The following FBXO11 variants were observed in gnomAD, a reference collection of about 807,000 sequenced individuals.
The protein encoded by FBXO11 is F-box protein 11, also known as F-box only protein 11.
FBXO11 carries 13 observed loss-of-function variants against 117.0 expected under a neutral mutation model. The ratio of observed to expected loss-of-function variants is 0.11; its 90% confidence interval spans 0.07 to 0.18. The LOEUF (loss-of-function observed/expected upper bound fraction) is 0.18. Among genes scored for constraint, FBXO11 ranks in the 10% least tolerant of loss-of-function variants. The probability of loss-of-function intolerance (pLI) is 1.00; values close to 1 mark genes in which losing one functional copy is unlikely to be tolerated. For missense variants in FBXO11, 767 were observed against 1,164.4 expected (o/e 0.66, Z 4.97); for synonymous variants, 490 against 380.5 (o/e 1.29, Z -3.35).
intron 1 of FBXO11, among the ~76,000 whole-genome samples, chr2:47,853,586 A>G (rs1204565153): frequency 2.0e-5 from 3 of 152,164 alleles, no homozygotes; most frequent in Non-Finnish European, 4.4e-5. Flanking sequence ...CTGGCTTAGT[A>G]GCCACCCTGT....
At chr2:47,851,989 A>G (rs974811253) in intron 1 of FBXO11, among the ~76,000 whole-genome samples, 1 of 132,850 alleles carries the variant, frequency 7.5e-6, no homozygotes, top group Non-Finnish European at 1.6e-5. Flanking sequence ...CAAGCAACCA[A>G]TTTTTTTTTT....
At position 47,820,570 on chromosome 2, in the gene FBXO11, A is replaced by C; in HGVS notation, c.1703-114T>G. On this transcript the variant is annotated intron_variant, in intron 13 of 22. Transcript: ENST00000403359. ...ACACTAGAATTTTAGTGACCATTAC[A>C]AGACAAAATTAAGAGAACTAGAAGT... 7.1e-6 allele frequency: 5 copies of C among 707,094 alleles called. No homozygotes were observed. The South Asian group carries it at 9.2e-5, about 13-fold the overall frequency. The allele number at this position is 707,094 out of a possible 1,614,324, so 43.8% of individuals were successfully genotyped here.
At position 47,830,712 on chromosome 2, in the gene FBXO11, T is replaced by C. The variant is rs943743384; in HGVS notation, c.1398+1637A>G. 5.3e-5 allele frequency among the ~76,000 whole-genome samples: 8 copies of C among 152,184 alleles called. 1 individual carries two copies. Among genetic ancestry groups the C allele is most frequent in the African/African-American group, 1.9e-4 (8 of 41,442 alleles). The stretch of plus-strand genomic sequence containing the variant: ...ACAAGCCCAAATCTATTCTTTAAAA[T>C]GGTATAAGGAGTGTGTGTGTGATGA... On this transcript the variant is annotated intron_variant, in intron 11 of 22. Transcript: ENST00000403359.
chr2:47,905,615 G>A lies in FBXO11; in HGVS notation c.106C>T (p.Pro36Ser), dbSNP rs1325611844. The A allele has an allele frequency of 2.2e-6, 3 of 1,369,364 alleles. No individual in the cohort carries two copies. The highest frequency in any genetic ancestry group is 2.8e-6 in the Non-Finnish European group (3 of 1,059,488). The allele number at this position is 1,369,364 out of a possible 1,614,324, so 84.8% of individuals were successfully genotyped here. ...QPPQQPPPQPPQQQPPQQQPP... is the reference protein window; with the variant it reads ...QPPQQPPPQPSQQQPPQQQPP... Reference sequence around the variant, plus strand: ...TGCTGCTGGGGCGGCTGCTGCTGGGGCGGCTGCGGCGGCGGCTGCTGCGGG... The same window carrying A: ...TGCTGCTGGGGCGGCTGCTGCTGGGACGGCTGCGGCGGCGGCTGCTGCGGG... The change falls in exon 1 of 23, where the codon CCC becomes TCC. Residue 36 changes from proline (P) to serine (S), a missense_variant. By Grantham distance (74) the Pro-to-Ser change is moderately conservative. Coordinates refer to ENST00000403359, the MANE Select transcript of FBXO11 (RefSeq NM_001190274.2).
At chr2:47,905,227 G>C in intron 1 of FBXO11, 1 of 240,614 alleles carries the variant, frequency 4.2e-6, no homozygotes, top group African/African-American at 2.3e-5. Context: ...ATGGGTGGGG[G>C]TGGAGGGTGC....
chr2:47,884,262 C>A (rs1457715029), intron 1 of FBXO11, among the ~76,000 whole-genome samples: 4 of 152,028 alleles, frequency 2.6e-5, no homozygotes, highest in African/African-American at 9.7e-5. Flanking sequence ...CAGAGAAAAG[C>A]TGGTTCCTGT....
chr2:47,832,561 T>C lies in FBXO11; in HGVS notation c.1260+11A>G, dbSNP rs773652624. On this transcript the variant is annotated intron_variant, in intron 10 of 22. Transcript: ENST00000403359. ...CTAAAAAGAAAAAAACCACACAAAATTAAAAAATACCTGTGCATGATCTGT... is the reference window on the plus strand; with the variant it reads ...CTAAAAAGAAAAAAACCACACAAAACTAAAAAATACCTGTGCATGATCTGT... 1 of 1,607,110 alleles carries C rather than the reference T, an allele frequency of 6.2e-7. No homozygotes were observed. Among genetic ancestry groups the C allele is most frequent in the Non-Finnish European group, 8.5e-7 (1 of 1,177,556 alleles).
At position 47,874,620 on chromosome 2, in the gene FBXO11, C is replaced by T. The variant is rs558529352; in HGVS notation, c.232+30869G>A. On this transcript the variant is annotated intron_variant, in intron 1 of 22. Transcript: ENST00000403359. Reference sequence around the variant, plus strand: ...TGCAATCTCAGCTCACTGCAACCTCCAACTCCTGGGTTGAAACAATTCTTG... The same window carrying T: ...TGCAATCTCAGCTCACTGCAACCTCTAACTCCTGGGTTGAAACAATTCTTG... 2.6e-5 allele frequency among the ~76,000 whole-genome samples: 4 copies of T among 152,290 alleles called. No homozygotes were observed. In the East Asian group the frequency reaches 7.7e-4, roughly 29 times the overall value.
chr2:47,889,032 CAG>C lies in FBXO11; in HGVS notation c.232+16455_232+16456del, dbSNP rs148090527. 2.3e-3 allele frequency among the ~76,000 whole-genome samples: 348 copies of C among 152,154 alleles called. 1 individual carries two copies. Among genetic ancestry groups the C allele is most frequent in the African/African-American group, 7.9e-3 (330 of 41,532 alleles). On this transcript the variant is annotated intron_variant, in intron 1 of 22. Transcript: ENST00000403359. ...TTGGACTAGAGAAGATGAAGGAAAA[CAG>C]AAACATTCATTCACTAAGTGTCTAT...
rs1678762078 is a variant in FBXO11, at chr2:47,905,757, C to A, written c.-37G>T. ...AGGTGGCGGCGTTGGCGGAGGGACA[C>A]ACACACGCACACGCACAGCGAGCTT... On this transcript the variant is annotated 5_prime_UTR_variant, in exon 1 of 23. Coordinates refer to ENST00000403359, the MANE Select transcript of FBXO11 (RefSeq NM_001190274.2). 3 of 1,506,730 alleles carry A rather than the reference C, an allele frequency of 2.0e-6. No individual in the cohort carries two copies. Among genetic ancestry groups the A allele is most frequent in the African/African-American group, 2.9e-5 (2 of 69,038 alleles). 93.3% of individuals were successfully genotyped at this position (1,506,730 alleles called of 1,614,324 possible).
At position 47,810,303 on chromosome 2, in the gene FBXO11, A is replaced by C. The variant is rs937958721; in HGVS notation, c.2338+13T>G. The C allele has an allele frequency of 6.4e-7, 1 of 1,552,370 alleles. No homozygotes were observed. The highest frequency in any genetic ancestry group is 8.8e-7 in the Non-Finnish European group (1 of 1,135,846). On this transcript the variant is annotated intron_variant, in intron 19 of 22. Coordinates refer to ENST00000403359, the MANE Select transcript of FBXO11 (RefSeq NM_001190274.2). ...CTATATATAAGCCACAGGTAAGAAA[A>C]GAAAATACAAACCTGCGGCAAATCC... is the stretch of plus-strand genomic sequence containing the variant.
chr2:47,883,519 C>T (rs536037080), intron 1 of FBXO11: 2 of 393,670 alleles, frequency 5.1e-6, no homozygotes, highest in African/African-American at 2.1e-5. Context: ...CCCTTGGATA[C>T]AACAGAAAAT....
In FBXO11 at chr2:47,873,180, G is replaced by A. The variant is rs948670033; in HGVS notation, c.232+32309C>T. Among the ~76,000 whole-genome samples the A allele has an allele frequency of 9.2e-5, 14 of 152,284 alleles. No individual in the cohort carries two copies. The East Asian group carries it at 2.5e-3, about 27-fold the overall frequency. On this transcript the variant is annotated intron_variant, in intron 1 of 22. Coordinates refer to ENST00000403359, the MANE Select transcript of FBXO11 (RefSeq NM_001190274.2). ...TGTAAATCTAGACGCTAGCACTCAA[G>A]GAGGCAGAGGTTTAAAGCACTGGGA...
chr2:47,829,184 T>C (rs1420098281), intron 11 of FBXO11, among the ~76,000 whole-genome samples: 2 of 151,890 alleles, frequency 1.3e-5, no homozygotes, highest in Non-Finnish European at 2.9e-5. Flanking sequence ...CGTGACCCAC[T>C]GCACCCGGCC....
intron 18 of FBXO11, chr2:47,810,714 G>A (rs1670551171): frequency 7.3e-6 from 2 of 275,468 alleles, no homozygotes; most frequent in Non-Finnish European, 1.3e-5. Context: ...CAGGTGCATA[G>A]GTGATTCTCA....
chr2:47,872,567 G>T (rs927481644), intron 1 of FBXO11, among the ~76,000 whole-genome samples: 8 of 152,290 alleles, frequency 5.3e-5, no homozygotes, highest in African/African-American at 1.9e-4. Context: ...CAGGTGATCC[G>T]CGTGCCTCGG....
intron 1 of FBXO11, among the ~76,000 whole-genome samples, chr2:47,896,301 G>A (rs920685061): frequency 4.0e-5 from 6 of 150,524 alleles, no homozygotes; most frequent in East Asian, 1.9e-4. Context: ...ACTCCTACCC[G>A]AAAGATCTTT....
In FBXO11 at chr2:47,906,176, AAG is replaced by A. The variant is rs1275390884; in HGVS notation, c.-458_-457del. The A allele has an allele frequency of 5.4e-6, 1 of 183,524 alleles. No homozygotes were observed. The highest frequency in any genetic ancestry group is 1.1e-5 in the Non-Finnish European group (1 of 87,456). 11.4% of individuals were successfully genotyped at this position (183,524 alleles called of 1,614,324 possible). ...GGCGGGCGGGTGAGGAAGGGAGAAA[AAG>A]AGAGGGAGAGAAGGGAGGGAGGGAG... On this transcript the variant is annotated 5_prime_UTR_variant, in exon 1 of 23. Transcript: ENST00000403359.
rs746953076 is a variant in FBXO11, at chr2:47,905,551, GGCTGCTGCTGCT to G, written c.158_169del (p.Gln53_Gln56del). On this transcript the variant is annotated inframe_deletion, in exon 1 of 23. Coordinates refer to ENST00000403359, the MANE Select transcript of FBXO11 (RefSeq NM_001190274.2). Reference sequence around the variant, plus strand: ...CGGAGGCGGCGGTGGCGGCGGCGGAGGCTGCTGCTGCTGCTGCTGCTGCGGCGGCGGCGGAGG... The same window carrying G: ...CGGAGGCGGCGGTGGCGGCGGCGGAGGCTGCTGCTGCGGCGGCGGCGGAGG... 8.1e-6 allele frequency: 10 copies of G among 1,239,630 alleles called. No homozygotes were observed. The highest frequency in any genetic ancestry group is 3.2e-5 in the African/African-American group (2 of 63,354). The allele number at this position is 1,239,630 out of a possible 1,614,324, so 76.8% of individuals were successfully genotyped here.
Sources: gnomAD v4.1 joint callset for allele counts (sites outside exome capture counted in the v4.1 genomes callset) on GRCh38, gnomAD v4.1.1 for gene constraint, MANE v1.5 for transcripts, NCBI Gene and HGNC (gene_info 2026-07-23, HGNC 2026-07-21) for gene names.